PDE5A: variants seen among roughly 807,000 people sequenced by gnomAD.
PDE5A encodes the protein phosphodiesterase 5A.
PDE5A carries 67 observed loss-of-function variants against 110.2 expected under a neutral mutation model. The ratio of observed to expected loss-of-function variants is 0.61; its 90% CI spans 0.50 to 0.75. PDE5A has a LOEUF of 0.75. Ranked by LOEUF, PDE5A falls within the 30% of genes least tolerant of loss-of-function variation. PDE5A has a pLI of 0.00. For missense variants in PDE5A, 862 were observed against 1,045.1 expected, an observed-to-expected ratio of 0.82 and a Z score of 2.42; for synonymous variants, 328 against 351.2, an observed-to-expected ratio of 0.93 and a Z score of 0.74.
At chr4:119,621,397 T>A (rs1397988802) in intron 1 of PDE5A, among the ~76,000 whole-genome samples, 2 of 152,202 alleles carry the variant, frequency 1.3e-5, no homozygotes, top group African/African-American at 4.8e-5. Flanking sequence ...GGAAGACTGA[T>A]ATGGATAAGA....
Position 119,521,069 on chromosome 4 carries a change from A to G in PDE5A, c.1780-9T>C, listed in dbSNP as rs1311386196. 6.2e-7 allele frequency: 1 copy of G among 1,609,396 alleles called. No homozygotes were observed. The highest frequency in any genetic ancestry group is 8.5e-7 in the Non-Finnish European group (1 of 1,177,310). ...ATCCATCTGCAAAGAACCTTTAGGGAATAAAACATAAGTAGTAACAATAAT... is the reference window on the plus strand; with the variant it reads ...ATCCATCTGCAAAGAACCTTTAGGGGATAAAACATAAGTAGTAACAATAAT... On this transcript the variant is annotated splice_polypyrimidine_tract_variant and intron_variant, in intron 12 of 20. Coordinates refer to ENST00000354960, the MANE Select transcript of PDE5A (RefSeq NM_001083.4).
chr4:119,564,127 TA>T lies in PDE5A; in HGVS notation c.994-1158del, dbSNP rs575370679. On this transcript the variant is annotated intron_variant, in intron 5 of 20. Coordinates refer to ENST00000354960, the MANE Select transcript of PDE5A (RefSeq NM_001083.4). Reference sequence around the variant, plus strand: ...ACAAAAATAGATATAAATAATAATATAAAAATACAAAATATGTATTATATGC... The same window carrying T: ...ACAAAAATAGATATAAATAATAATATAAAATACAAAATATGTATTATATGC... 3.7e-4 allele frequency among the ~76,000 whole-genome samples: 56 copies of T among 151,724 alleles called. No homozygotes were observed. The South Asian group carries it at 0.011, about 31-fold the overall frequency.
chr4:119,512,417 C>T (rs1481764133), intron 14 of PDE5A: 5 of 152,040 alleles, frequency 3.3e-5, no homozygotes, highest in Non-Finnish European at 7.3e-5. Flanking sequence ...AACAGAGTAA[C>T]AGGACTATAT....
At chr4:119,554,705 C>A (rs6853998) in intron 7 of PDE5A, among the ~76,000 whole-genome samples, 41,114 of 151,816 alleles carry the variant, frequency 0.27, 5,622 homozygotes, top group East Asian at 0.38. Flanking sequence ...TCTTTGGATA[C>A]ACCCAACTGC....
rs774802341 is a variant in PDE5A, at chr4:119,552,625, C to T, written c.1321G>A (p.Gly441Arg). ...KRFPWTTENTGNVNQQCIRSL... is the reference protein window; with the variant it reads ...KRFPWTTENTRNVNQQCIRSL... Reference sequence around the variant, plus strand: ...CTAATGCACTGCTGGTTTACATTTCCTGTATTTTCAGTCTAAACAAAAATA... The same window carrying T: ...CTAATGCACTGCTGGTTTACATTTCTTGTATTTTCAGTCTAAACAAAAATA... Residue 441 changes from glycine (G) to arginine (R), a missense_variant, in exon 9 of 21, where the codon GGA becomes AGA. By Grantham distance (125) the Gly-to-Arg change is moderately radical. Transcript: ENST00000354960. The T allele has an allele frequency of 4.6e-6, 7 of 1,531,294 alleles. No homozygotes were observed. In the East Asian group the frequency reaches 1.7e-4, roughly 36 times the overall value. 94.9% of individuals were successfully genotyped at this position (1,531,294 alleles called of 1,614,324 possible).
chr4:119,503,760 A>C (rs1358622768), intron 18 of PDE5A, among the ~76,000 whole-genome samples: 4 of 152,136 alleles, frequency 2.6e-5, no homozygotes, highest in Admixed American at 2.0e-4. Flanking sequence ...TTCACACTGA[A>C]ATGAAAACTG....
intron 11 of PDE5A, among the ~76,000 whole-genome samples, chr4:119,526,749 T>C (rs1457383473): frequency 2.6e-5 from 4 of 152,166 alleles, no homozygotes; most frequent in African/African-American, 4.8e-5. Context: ...CACTTGCACA[T>C]TCTCCTTTTT....
Position 119,519,120 on chromosome 4 carries a change from T to G in PDE5A, c.1925A>C (p.Glu642Ala). ...TGCAGCAATCAGCAATGCAAGTATC[T>G]CCAGGTCAGTCAGCTTGTTCTGCAT... Reference protein sequence around the residue: ...GKIQNKLTDLEILALLIAALS... With the variant: ...GKIQNKLTDLAILALLIAALS... The change falls in exon 14 of 21, where the codon GAG (glutamate) becomes GCG (alanine). Residue 642 changes from glutamate (E) to alanine (A), a missense_variant. Physicochemically the swap from Glu to Ala is moderately radical, Grantham distance 107 (BLOSUM62 -1). Transcript: ENST00000354960. 1 of 1,613,604 alleles carries G rather than the reference T, an allele frequency of 6.2e-7. No individual in the cohort carries two copies. Among genetic ancestry groups the G allele is most frequent in the Non-Finnish European group, 8.5e-7 (1 of 1,179,532 alleles).
chr4:119,585,240 A>C (rs1728719316), intron 3 of PDE5A, among the ~76,000 whole-genome samples: 1 of 149,738 alleles, frequency 6.7e-6, no homozygotes, highest in African/African-American at 2.5e-5. Context: ...ATGCCACTGC[A>C]CTCCAGCCTG....
chr4:119,501,840 C>G lies in PDE5A; in HGVS notation c.2407-587G>C, dbSNP rs553957714. Among the ~76,000 whole-genome samples the G allele has an allele frequency of 1.8e-4, 28 of 152,230 alleles. No individual in the cohort carries two copies. In the East Asian group the frequency reaches 4.4e-3, roughly 24 times the overall value. ...AAATTCTGTTTGCCCTTCAACACGA[C>G]AACTTTGGGAATTTATGCTAACAAG... On this transcript the variant is annotated intron_variant, in intron 19 of 20. Coordinates refer to ENST00000354960, the MANE Select transcript of PDE5A (RefSeq NM_001083.4).
intron 19 of PDE5A, among the ~76,000 whole-genome samples, chr4:119,501,697 T>C (rs10031665): frequency 0.27 from 40,436 of 152,014 alleles, 5,488 homozygotes; most frequent in East Asian, 0.38. Context: ...AGAGGAAAAC[T>C]CTTATGTTTT....
intron 2 of PDE5A, among the ~76,000 whole-genome samples, chr4:119,606,344 A>C (rs1371932824): frequency 6.6e-6 from 1 of 152,196 alleles, no homozygotes; most frequent in Non-Finnish European, 1.5e-5. Context: ...TTAGAATCTC[A>C]GTAAAATCCT....
intron 16 of PDE5A, 48 bp downstream of exon 16, chr4:119,507,556 T>G: frequency 8.1e-7 from 1 of 1,237,982 alleles, no homozygotes; most frequent in South Asian, 1.3e-5. Context: ...TTTGAAACAA[T>G]GAAAAGACTT....
intron 14 of PDE5A, among the ~76,000 whole-genome samples, chr4:119,515,056 G>A (rs1250263016): frequency 6.6e-6 from 1 of 152,102 alleles, no homozygotes; most frequent in East Asian, 1.9e-4. Context: ...TATATAAAAA[G>A]TGCAAAAACG....
intron 12 of PDE5A, among the ~76,000 whole-genome samples, chr4:119,523,076 T>C (rs1175540085): frequency 6.6e-6 from 1 of 152,108 alleles, no homozygotes; most frequent in Non-Finnish European, 1.5e-5. Context: ...AGCAAGTTTA[T>C]ACATTGCCAA....
At chr4:119,561,224 GAA>G (rs11356355) in intron 6 of PDE5A, among the ~76,000 whole-genome samples, 2 of 149,828 alleles carry the variant, frequency 1.3e-5, no homozygotes, top group Non-Finnish European at 3.0e-5. Context: ...GAAGAAAACA[GAA>G]AAAAAAAATG....
intron 1 of PDE5A, among the ~76,000 whole-genome samples, chr4:119,608,089 G>T (rs927638161): frequency 6.6e-6 from 1 of 152,130 alleles, no homozygotes; most frequent in Non-Finnish European, 1.5e-5. Flanking sequence ...GATAAGTTTA[G>T]AAGGATTAAT....
At chr4:119,502,531 TA>T (rs559354912) in intron 19 of PDE5A, 49 bp downstream of exon 19, 3,451 of 942,848 alleles carry the variant, frequency 3.7e-3, no homozygotes, top group South Asian at 4.4e-3. Flanking sequence ...AGTCTACAAT[TA>T]AAAAAAAAAC....
chr4:119,565,467 G>A (rs775772752), intron 4 of PDE5A, 57 bp from the exon 5 acceptor site: 165 of 1,103,238 alleles, frequency 1.5e-4, no homozygotes, highest in Non-Finnish European at 2.2e-4. Flanking sequence ...TAGTTACATT[G>A]CCTGAAATAC....
Sources: allele counts gnomAD v4.1 joint callset (sites outside exome capture counted in the v4.1 genomes callset), GRCh38; gene constraint gnomAD v4.1.1; transcripts MANE v1.5; gene names NCBI Gene and HGNC (gene_info 2026-07-23, HGNC 2026-07-21).